SLC1A1: variants seen among roughly 807,000 people sequenced by gnomAD.
The protein encoded by SLC1A1 is solute carrier family 1 member 1.
Under a neutral mutation model 53.3 loss-of-function variants are expected in SLC1A1, and 43 were observed. The observed-to-expected ratio is 0.81, with a 90% confidence interval of 0.63 to 1.04. The LOEUF is 1.04. Ranked by LOEUF, SLC1A1 falls within the 50% of genes least tolerant of loss-of-function variation. The probability of loss-of-function intolerance (pLI) is 0.00; values close to 1 mark genes in which losing one functional copy is unlikely to be tolerated. For missense variants in SLC1A1, 748 were observed against 664.9 expected, an observed-to-expected ratio of 1.12 and a Z score of -1.37; for synonymous variants, 307 against 243.2, an observed-to-expected ratio of 1.26 and a Z score of -2.44.
At chr9:4,500,579 G>C (rs2130798968) in intron 1 of SLC1A1, among the ~76,000 whole-genome samples, 1 of 152,256 alleles carries the variant, frequency 6.6e-6, no homozygotes, top group African/African-American at 2.4e-5. Context: ...CCAAAGTGCT[G>C]GGATTACAGG....
At position 4,574,930 on chromosome 9, in the gene SLC1A1, G is replaced by A. The variant is rs141456487; in HGVS notation, c.875+916G>A. ...CAGAGGCAGATTTGGTCCCTACAGTGTGAGGCCCCTGGCGCTAAGGGAGGT... is the reference window on the plus strand; with the variant it reads ...CAGAGGCAGATTTGGTCCCTACAGTATGAGGCCCCTGGCGCTAAGGGAGGT... On this transcript the variant is annotated intron_variant, in intron 8 of 11. Coordinates refer to ENST00000262352, the MANE Select transcript of SLC1A1 (RefSeq NM_004170.6). Among the ~76,000 whole-genome samples, 154 of 152,334 alleles carry A rather than the reference G, an allele frequency of 1.0e-3. 1 individual carries two copies. The highest frequency in any genetic ancestry group is 3.5e-3 in the African/African-American group (144 of 41,576).
intron 10 of SLC1A1, among the ~76,000 whole-genome samples, chr9:4,578,334 T>A (rs577554221): frequency 6.6e-6 from 1 of 152,358 alleles, no homozygotes; most frequent in African/African-American, 2.4e-5. Flanking sequence ...TACCTACAAC[T>A]TATTCAAGTA....
chr9:4,560,012 A>C (rs544822641), intron 2 of SLC1A1: 1 of 152,298 alleles, frequency 6.6e-6, no homozygotes, highest in Admixed American at 6.5e-5. Flanking sequence ...GCCCTTTCAA[A>C]TCTGGGCAAC....
chr9:4,508,973 G>A (rs528043862), intron 1 of SLC1A1, among the ~76,000 whole-genome samples: 2 of 152,128 alleles, frequency 1.3e-5, no homozygotes, highest in South Asian at 4.2e-4. Flanking sequence ...TGTTTGAGGG[G>A]GTAATAGAAA....
chr9:4,530,778 A>T (rs1465876464), intron 1 of SLC1A1, among the ~76,000 whole-genome samples: 1 of 152,164 alleles, frequency 6.6e-6, no homozygotes, highest in Non-Finnish European at 1.5e-5. Context: ...AGTGCTTGGG[A>T]TATATTTGGA....
rs139728825 is a variant in SLC1A1 at position 4,529,041 on chromosome 9, T to A, written c.92-15526T>A. On this transcript the variant is annotated intron_variant, in intron 1 of 11. Transcript: ENST00000262352. The stretch of plus-strand genomic sequence containing the variant: ...TCCTCATCTCTACTGCCTTCCACCT[T>A]CAGACATATAATTTATCACCAAATA... 2.2e-3 allele frequency among the ~76,000 whole-genome samples: 331 copies of A among 152,206 alleles called. 1 individual carries two copies. Among genetic ancestry groups the A allele is most frequent in the African/African-American group, 7.7e-3 (319 of 41,526 alleles).
intron 6 of SLC1A1, among the ~76,000 whole-genome samples, chr9:4,569,629 G>T (rs1316560195): frequency 6.6e-6 from 1 of 152,158 alleles, no homozygotes; most frequent in Non-Finnish European, 1.5e-5. Flanking sequence ...TTAGACTTAA[G>T]AATTCAAATT....
rs1366165140 is a variant in SLC1A1, at chr9:4,549,256, G to C, written c.232+4549G>C. Among the ~76,000 whole-genome samples, 1 of 152,140 alleles carries C rather than the reference G, an allele frequency of 6.6e-6. No homozygotes were observed. The highest frequency in any genetic ancestry group is 1.9e-4 in the East Asian group (1 of 5,190). On this transcript the variant is annotated intron_variant, in intron 2 of 11. Transcript: ENST00000262352. This position sits in a 1 kb window ranked among gnomAD's most constrained non-coding sequence, Gnocchi z 4.1. Reference sequence around the variant, plus strand: ...GCCTCTGCCACCCCCGCCTGGGCCAGAAGCACTCCAGTGGGCACAGCTGCG... The same window carrying C: ...GCCTCTGCCACCCCCGCCTGGGCCACAAGCACTCCAGTGGGCACAGCTGCG...
chr9:4,532,336 A>G lies in SLC1A1; in HGVS notation c.92-12231A>G, dbSNP rs552770148. 9.9e-4 allele frequency among the ~76,000 whole-genome samples: 150 copies of G among 152,280 alleles called. 1 individual carries two copies. Among genetic ancestry groups the G allele is most frequent in the Non-Finnish European group, 1.9e-3 (126 of 68,024 alleles). ...TGAAAAAAAAATTAGACGAATGGCT[A>G]ACTAGAATAACCAATGCAGAGAAGT... On this transcript the variant is annotated intron_variant, in intron 1 of 11. Coordinates refer to ENST00000262352, the MANE Select transcript of SLC1A1 (RefSeq NM_004170.6).
intron 10 of SLC1A1, among the ~76,000 whole-genome samples, chr9:4,582,771 T>TA (rs1450444647): frequency 6.6e-6 from 1 of 152,216 alleles, no homozygotes; most frequent in Admixed American, 6.5e-5. Context: ...TGGTGCCACT[T>TA]ATGCAGTTCT....
rs1353253485 is a variant in SLC1A1, at chr9:4,575,987, T to G, written c.876-14T>G. The stretch of plus-strand genomic sequence containing the variant: ...ATTATCTTTGAAACTTTAATTTCTC[T>G]TTCTTGTTTACAGGCTTGCAATCCA... On this transcript the variant is annotated splice_polypyrimidine_tract_variant and intron_variant, in intron 8 of 11. Coordinates refer to ENST00000262352, the MANE Select transcript of SLC1A1 (RefSeq NM_004170.6). 6.2e-7 allele frequency: 1 copy of G among 1,613,774 alleles called. No homozygotes were observed. The highest frequency in any genetic ancestry group is 8.5e-7 in the Non-Finnish European group (1 of 1,179,628).
In SLC1A1 at chr9:4,506,718, G is replaced by A. The variant is rs139598924; in HGVS notation, c.91+15948G>A. The stretch of plus-strand genomic sequence containing the variant: ...AGAACCCTGAAGTTATCTAATTGGT[G>A]CTCATCACTGAGCTTGTGTAGGCTT... On this transcript the variant is annotated intron_variant, in intron 1 of 11. Transcript: ENST00000262352. Among the ~76,000 whole-genome samples, 222 of 152,304 alleles carry A rather than the reference G, an allele frequency of 1.5e-3. 2 individuals carry two copies. The highest frequency in any genetic ancestry group is 4.7e-3 in the African/African-American group (197 of 41,560).
intron 10 of SLC1A1, among the ~76,000 whole-genome samples, chr9:4,579,269 G>C (rs1820843327): frequency 6.6e-6 from 1 of 152,170 alleles, no homozygotes; most frequent in African/African-American, 2.4e-5. Flanking sequence ...GCCTGAAAAA[G>C]TTTCTGCTCC....
chr9:4,515,914 C>A (rs1260754487), intron 1 of SLC1A1, among the ~76,000 whole-genome samples: 1 of 152,182 alleles, frequency 6.6e-6, no homozygotes, highest in Non-Finnish European at 1.5e-5. Flanking sequence ...AGATCCTCCA[C>A]CCTCTTCCCA....
intron 1 of SLC1A1, among the ~76,000 whole-genome samples, chr9:4,540,998 C>A (rs889709093): frequency 2.0e-5 from 3 of 152,194 alleles, no homozygotes; most frequent in African/African-American, 7.2e-5. Context: ...TACCAGTGTC[C>A]TTCCCAAGCT....
chr9:4,549,940 G>A lies in SLC1A1; in HGVS notation c.232+5233G>A, dbSNP rs1002488573. On this transcript the variant is annotated intron_variant, in intron 2 of 11. Transcript: ENST00000262352. This position sits in a 1 kb window ranked among gnomAD's most constrained non-coding sequence, Gnocchi z 4.1. ...ACCCTTCCTGTGATGTCGCAGCTCT[G>A]GATTTCCTAAAAACGCCTGCTCAAA... Among the ~76,000 whole-genome samples, 2 of 152,100 alleles carry A rather than the reference G, an allele frequency of 1.3e-5. No homozygotes were observed. The highest frequency in any genetic ancestry group is 2.4e-5 in the African/African-American group (1 of 41,416).
At position 4,561,453 on chromosome 9, in the gene SLC1A1, T is replaced by C. The variant is rs1449213809; in HGVS notation, c.237T>C (p.Val79=). ...PLIISSMITG[V]AALDSNVSGK... is the part of the protein sequence containing the mutation. The stretch of plus-strand genomic sequence containing the variant: ...TGATTTCTGTCTCCCCTTCAGGTGT[T>C]GCTGCACTGGATTCCAACGTATCCG... The change falls in exon 3 of 12, where the codon GTT becomes GTC. Residue 79 remains valine, a synonymous_variant. Transcript: ENST00000262352. 19 of 1,592,370 alleles carry C rather than the reference T, an allele frequency of 1.2e-5. No homozygotes were observed. Among genetic ancestry groups the C allele is most frequent in the Non-Finnish European group, 1.0e-5 (12 of 1,160,272 alleles).
chr9:4,500,549 A>C (rs2130798921), intron 1 of SLC1A1, among the ~76,000 whole-genome samples: 2 of 152,284 alleles, frequency 1.3e-5, no homozygotes, highest in South Asian at 4.1e-4. Flanking sequence ...AACTGCAGGT[A>C]GTCTGCCCGC....
At chr9:4,530,093 T>G (rs1175963221) in intron 1 of SLC1A1, among the ~76,000 whole-genome samples, 1 of 152,178 alleles carries the variant, frequency 6.6e-6, no homozygotes, top group East Asian at 1.9e-4. Flanking sequence ...ACTTGATTAC[T>G]TCCCTTATTT....
Sources: allele counts gnomAD v4.1 joint callset (sites outside exome capture counted in the v4.1 genomes callset), GRCh38; gene constraint gnomAD v4.1.1; non-coding constraint Gnocchi (gnomAD v3.1); transcripts MANE v1.5; gene names NCBI Gene and HGNC (gene_info 2026-07-23, HGNC 2026-07-21).